NR6A1: variants seen among roughly 807,000 people sequenced by gnomAD.
NR6A1 encodes retinoic acid receptor-related testis-associated receptor.
NR6A1 carries 7 observed loss-of-function variants against 59.1 expected under a neutral mutation model. The ratio of observed to expected loss-of-function variants is 0.12; its 90% CI spans 0.07 to 0.22. NR6A1 has a LOEUF of 0.22. Among genes scored for constraint, NR6A1 ranks in the 10% least tolerant of loss-of-function variants. NR6A1 has a pLI of 1.00. For synonymous variants in NR6A1, 243 were observed against 236.1 expected (o/e 1.03, Z -0.27); for missense variants, 468 against 611.6 (o/e 0.77, Z 2.48).
chr9:124,723,347 T>C (rs555962026), intron 2 of NR6A1, among the ~76,000 whole-genome samples: 1 of 152,312 alleles, frequency 6.6e-6, no homozygotes, highest in East Asian at 1.9e-4. Context: ...TGTTGGCAGA[T>C]GGTCATTTGG....
intron 2 of NR6A1, among the ~76,000 whole-genome samples, chr9:124,729,622 T>C (rs1839826521): frequency 1.3e-5 from 2 of 152,092 alleles, no homozygotes; most frequent in African/African-American, 4.8e-5. Flanking sequence ...TCAAATGGAA[T>C]TAACATAGGA....
chr9:124,562,744 A>T (rs1834117526), intron 2 of NR6A1, among the ~76,000 whole-genome samples: 1 of 152,216 alleles, frequency 6.6e-6, no homozygotes, highest in African/African-American at 2.4e-5. Flanking sequence ...AGAGGCAAAA[A>T]TGTCAAATTC....
intron 2 of NR6A1, among the ~76,000 whole-genome samples, chr9:124,558,333 C>T (rs1833985060): frequency 6.6e-6 from 1 of 152,186 alleles, no homozygotes; most frequent in Non-Finnish European, 1.5e-5. Flanking sequence ...AGCCCTAGGA[C>T]TGCTTCTCTG....
intron 7 of NR6A1, among the ~76,000 whole-genome samples, chr9:124,530,450 C>T (rs936543882): frequency 6.6e-6 from 1 of 152,234 alleles, no homozygotes; most frequent in Non-Finnish European, 1.5e-5. Context: ...TTTAATGCCC[C>T]TGTATTCACT....
chr9:124,645,552 G>A (rs1273222318), intron 2 of NR6A1, among the ~76,000 whole-genome samples: 2 of 152,056 alleles, frequency 1.3e-5, no homozygotes, highest in Non-Finnish European at 2.9e-5. Flanking sequence ...GAGAAAGAGG[G>A]GCATTACTAA....
At chr9:124,556,790 T>C (rs1279898228) in intron 2 of NR6A1, among the ~76,000 whole-genome samples, 2 of 152,030 alleles carry the variant, frequency 1.3e-5, no homozygotes, top group Admixed American at 1.3e-4. Context: ...TCTCTTCCAG[T>C]AAGAGAGTAA....
intron 2 of NR6A1, among the ~76,000 whole-genome samples, chr9:124,622,530 A>T (rs1403142878): frequency 1.3e-5 from 2 of 152,240 alleles, no homozygotes; most frequent in Non-Finnish European, 2.9e-5. Flanking sequence ...ACTTAATCAC[A>T]TTCTCTGAGG....
At chr9:124,746,364 G>C (rs184349882) in intron 1 of NR6A1, among the ~76,000 whole-genome samples, 67 of 152,252 alleles carry the variant, frequency 4.4e-4, no homozygotes, top group African/African-American at 1.6e-3. Context: ...CCAGGTAGGT[G>C]GATCACCTGA....
chr9:124,540,318 C>T (rs924287728), intron 4 of NR6A1, 131 bp from the exon 5 acceptor site: 27 of 987,976 alleles, frequency 2.7e-5, no homozygotes, highest in Admixed American at 1.0e-4. Flanking sequence ...CCCCATATTC[C>T]GGGCCTCTCA....
chr9:124,617,582 A>G (rs1564203386), intron 2 of NR6A1, among the ~76,000 whole-genome samples: 1 of 152,158 alleles, frequency 6.6e-6, no homozygotes, highest in Non-Finnish European at 1.5e-5. Flanking sequence ...AACTATAGAA[A>G]GCTTTATGAG....
chr9:124,635,726 T>C (rs1333267028), intron 2 of NR6A1, among the ~76,000 whole-genome samples: 1 of 152,228 alleles, frequency 6.6e-6, no homozygotes, highest in Non-Finnish European at 1.5e-5. Context: ...AACTGAATGA[T>C]TTTCCATTGT....
intron 2 of NR6A1, among the ~76,000 whole-genome samples, chr9:124,584,843 G>A (rs1400741649): frequency 6.6e-6 from 1 of 152,144 alleles, no homozygotes; most frequent in Admixed American, 6.5e-5. Context: ...TCAAAAGCTA[G>A]AAATCGTTAA....
intron 1 of NR6A1, among the ~76,000 whole-genome samples, chr9:124,737,330 G>C (rs149767457): frequency 6.6e-6 from 1 of 152,146 alleles, no homozygotes; most frequent in African/African-American, 2.4e-5. Flanking sequence ...AAGATATATG[G>C]AGAACAATGT....
chr9:124,712,363 C>G (rs760593576), intron 2 of NR6A1, among the ~76,000 whole-genome samples: 2 of 152,086 alleles, frequency 1.3e-5, no homozygotes, highest in Non-Finnish European at 2.9e-5. Context: ...AATCCCAGCA[C>G]TTTGGGAGGC....
At chr9:124,598,900 G>A (rs1324353056) in intron 2 of NR6A1, 12 of 704,558 alleles carry the variant, frequency 1.7e-5, no homozygotes, top group Non-Finnish European at 2.9e-5. Flanking sequence ...GGAAGCGGAT[G>A]GCCAGCAGCT....
intron 2 of NR6A1, among the ~76,000 whole-genome samples, chr9:124,591,526 G>A (rs1454629440): frequency 6.6e-6 from 1 of 152,180 alleles, no homozygotes; most frequent in African/African-American, 2.4e-5. Context: ...TCCATCCAGA[G>A]GCAACAGAAG....
intron 2 of NR6A1, among the ~76,000 whole-genome samples, chr9:124,732,644 T>G (rs1187171660): frequency 1.3e-5 from 2 of 152,190 alleles, no homozygotes; most frequent in Non-Finnish European, 2.9e-5. Context: ...CTATCAATAC[T>G]TTAGAAGTGT....
At chr9:124,764,576 T>C (rs1355674120) in intron 1 of NR6A1, among the ~76,000 whole-genome samples, 1 of 152,228 alleles carries the variant, frequency 6.6e-6, no homozygotes, top group Non-Finnish European at 1.5e-5. Flanking sequence ...AATTTAGTTG[T>C]GCATTTCTCT....
chr9:124,576,255 C>G (rs1481412452), intron 2 of NR6A1, among the ~76,000 whole-genome samples: 1 of 152,056 alleles, frequency 6.6e-6, no homozygotes, highest in Non-Finnish European at 1.5e-5. Context: ...AACTATGAAG[C>G]CAAAAGTAAA....
Sources: gnomAD v4.1 joint callset for allele counts (sites outside exome capture counted in the v4.1 genomes callset) on GRCh38, gnomAD v4.1.1 for gene constraint, MANE v1.5 for transcripts, NCBI Gene and HGNC (gene_info 2026-07-23, HGNC 2026-07-21) for gene names.